Variants in KIRREL3 observed in about 807,000 individuals in gnomAD.
KIRREL3 encodes the protein kin of IRRE-like protein 3.
A neutral mutation model predicts 89.7 loss-of-function variants in KIRREL3; 36 were observed. The observed-to-expected ratio is 0.40, with a 90% CI of 0.31 to 0.53. The LOEUF is 0.53. Ranked by LOEUF, KIRREL3 falls within the 20% of genes least tolerant of loss-of-function variation. The pLI is 0.49. For synonymous variants in KIRREL3, 445 were observed against 441.4 expected (o/e 1.01, Z -0.10); for missense variants, 864 against 1,056.6 (o/e 0.82, Z 2.53).
chr11:126,462,230 G>A lies in KIRREL3; in HGVS notation c.742+927C>T, dbSNP rs557913023. On this transcript the variant is annotated intron_variant, in intron 6 of 16. Coordinates refer to ENST00000525144, the MANE Select transcript of KIRREL3 (RefSeq NM_032531.4). The surrounding 1 kb of genome is among the most constrained non-coding windows in gnomAD (Gnocchi z 4.8). ...CGGGCCACCGAGGGCTGGCTGGGCA[G>A]GAGTGTGGAGAGGATGTTACCAGGG... Among the ~76,000 whole-genome samples the A allele has an allele frequency of 5.0e-4, 76 of 152,240 alleles. No individual in the cohort carries two copies. The highest frequency in any genetic ancestry group is 3.4e-3 in the Middle Eastern group (1 of 294).
At position 126,641,582 on chromosome 11, in the gene KIRREL3, C is replaced by T. The variant is rs1231741854; in HGVS notation, c.56-78670G>A. ...GGGATATGTCTCACCAATCCATTTA[C>T]AGGTCGCAGACATTTACAACACCAG... On this transcript the variant is annotated intron_variant, in intron 1 of 16. Coordinates refer to ENST00000525144, the MANE Select transcript of KIRREL3 (RefSeq NM_032531.4). The surrounding 1 kb of genome is among the most constrained non-coding windows in gnomAD (Gnocchi z 5.0). Among the ~76,000 whole-genome samples the T allele has an allele frequency of 2.6e-5, 4 of 152,122 alleles. No homozygotes were observed. Among genetic ancestry groups the T allele is most frequent in the Non-Finnish European group, 4.4e-5 (3 of 68,042 alleles).
intron 16 of KIRREL3, 90 bp from the exon 17 acceptor site, chr11:126,425,113 G>A (rs1039924484): frequency 1.8e-5 from 22 of 1,244,432 alleles, no homozygotes; most frequent in Admixed American, 5.8e-5. Context: ...CCCCTTATGC[G>A]GGGAGGGAAG....
At position 126,660,403 on chromosome 11, in the gene KIRREL3, T is replaced by A. The variant is rs1468474792; in HGVS notation, c.56-97491A>T. Among the ~76,000 whole-genome samples, 8 of 152,364 alleles carry A rather than the reference T, an allele frequency of 5.3e-5. No homozygotes were observed. The South Asian group carries it at 1.4e-3, about 28-fold the overall frequency. ...CTGAGACGTAGGCACATGTTCACAC[T>A]GACGTGCATTGCATCATTGCATTTG... On this transcript the variant is annotated intron_variant, in intron 1 of 16. Coordinates refer to ENST00000525144, the MANE Select transcript of KIRREL3 (RefSeq NM_032531.4).
intron 4 of KIRREL3, among the ~76,000 whole-genome samples, chr11:126,483,308 G>A (rs1957270002): frequency 1.3e-5 from 2 of 152,084 alleles, no homozygotes; most frequent in Non-Finnish European, 2.9e-5. Context: ...ATGGCATTTG[G>A]GCCTTCATTT....
intron 9 of KIRREL3, among the ~76,000 whole-genome samples, chr11:126,446,193 C>G (rs1467553429): frequency 2.0e-5 from 3 of 151,452 alleles, no homozygotes; most frequent in Non-Finnish European, 4.4e-5. Context: ...AAGTGAAGCC[C>G]AAGTCCAAGG....
rs1939638416 is a variant in KIRREL3, at chr11:126,555,554, G to C, written c.133+7281C>G. ...ACCAGGTGAAGGGTTTGGGGATGGG[G>C]TGAGCGTGGCAAGCAGGGTAGACAC... is the stretch of plus-strand genomic sequence containing the variant. On this transcript the variant is annotated intron_variant, in intron 2 of 16. Coordinates refer to ENST00000525144, the MANE Select transcript of KIRREL3 (RefSeq NM_032531.4). The surrounding 1 kb of genome is among the most constrained non-coding windows in gnomAD (Gnocchi z 4.2). Among the ~76,000 whole-genome samples, 1 of 152,034 alleles carries C rather than the reference G, an allele frequency of 6.6e-6. No homozygotes were observed. Among genetic ancestry groups the C allele is most frequent in the African/African-American group, 2.4e-5 (1 of 41,412 alleles).
intron 10 of KIRREL3, 153 bp from the exon 11 acceptor site, chr11:126,440,702 A>G (rs980467865): frequency 1.7e-5 from 12 of 707,288 alleles, no homozygotes; most frequent in Non-Finnish European, 2.8e-5. Flanking sequence ...AAGGTAGAGG[A>G]CTCAGAGATA....
At chr11:126,517,602 A>T (rs778306031) in intron 4 of KIRREL3, among the ~76,000 whole-genome samples, 2 of 152,226 alleles carry the variant, frequency 1.3e-5, no homozygotes, top group Non-Finnish European at 2.9e-5. Flanking sequence ...TCCCAGCCTC[A>T]AAGTGGGATG....
Position 126,563,687 on chromosome 11 carries a change from T to C in KIRREL3, c.56-775A>G, listed in dbSNP as rs1366085170. 6.6e-6 allele frequency among the ~76,000 whole-genome samples: 1 copy of C among 152,196 alleles called. No individual in the cohort carries two copies. The highest frequency in any genetic ancestry group is 6.5e-5 in the Admixed American group (1 of 15,292). On this transcript the variant is annotated intron_variant, in intron 1 of 16. Coordinates refer to ENST00000525144, the MANE Select transcript of KIRREL3 (RefSeq NM_032531.4). The surrounding 1 kb of genome is among the most constrained non-coding windows in gnomAD (Gnocchi z 6.8). ...AATTCCAGGTAGCAAATGCAAGAGA[T>C]AACTTTTTTATTTGCACAGTATTTT...
At chr11:126,945,456 T>A (rs1355919957) in intron 1 of KIRREL3, among the ~76,000 whole-genome samples, 1 of 152,148 alleles carries the variant, frequency 6.6e-6, no homozygotes, top group Non-Finnish European at 1.5e-5. Flanking sequence ...TCTCCGCAGG[T>A]CACTGGAAGA....
chr11:126,968,741 C>T (rs575073178), intron 1 of KIRREL3, among the ~76,000 whole-genome samples: 8 of 152,310 alleles, frequency 5.3e-5, no homozygotes, highest in African/African-American at 1.9e-4. Flanking sequence ...TTTGGTCACT[C>T]AATCCCAGGT....
Position 126,883,363 on chromosome 11 carries a change from C to A in KIRREL3, c.55+117092G>T, listed in dbSNP as rs146839739. On this transcript the variant is annotated intron_variant, in intron 1 of 16. Transcript: ENST00000525144. The surrounding 1 kb of genome is among the most constrained non-coding windows in gnomAD (Gnocchi z 4.1). ...TTATAGCCTCTTCCCAACAAATGCT[C>A]ATTGTCGCACTTCCTGTCACCTCTC... 1.3e-5 allele frequency among the ~76,000 whole-genome samples: 2 copies of A among 152,152 alleles called. No homozygotes were observed. The highest frequency in any genetic ancestry group is 2.9e-5 in the Non-Finnish European group (2 of 68,034).
rs554083244 is a variant in KIRREL3, at chr11:126,917,516, AC to A, written c.55+82938del. On this transcript the variant is annotated intron_variant, in intron 1 of 16. Transcript: ENST00000525144. This position sits in a 1 kb window ranked among gnomAD's most constrained non-coding sequence, Gnocchi z 5.0. ...AAAAAAAACAAGGAAAAACCTGCAA[AC>A]AACAAAAATCTTTCCAAACCACGTA... Among the ~76,000 whole-genome samples the A allele has an allele frequency of 1.0e-3, 152 of 152,344 alleles. No homozygotes were observed. The highest frequency in any genetic ancestry group is 3.5e-3 in the African/African-American group (147 of 41,572).
intron 1 of KIRREL3, among the ~76,000 whole-genome samples, chr11:126,859,415 C>A (rs1357613631): frequency 6.6e-6 from 1 of 152,066 alleles, no homozygotes; most frequent in African/African-American, 2.4e-5. Context: ...GTTCCAGGGG[C>A]CACATTTTGA....
intron 1 of KIRREL3, among the ~76,000 whole-genome samples, chr11:126,831,761 C>T (rs566276883): frequency 3.9e-5 from 6 of 152,124 alleles, no homozygotes; most frequent in Non-Finnish European, 7.4e-5. Context: ...GATCCTAATG[C>T]CTTTCTATTA....
At chr11:126,858,663 G>GT (rs1855092710) in intron 1 of KIRREL3, among the ~76,000 whole-genome samples, 1 of 152,082 alleles carries the variant, frequency 6.6e-6, no homozygotes, top group African/African-American at 2.4e-5. Context: ...TGTGTGTGTG[G>GT]TTTTCTGTAT....
At chr11:126,810,629 C>G (rs1004190015) in intron 1 of KIRREL3, among the ~76,000 whole-genome samples, 3 of 152,150 alleles carry the variant, frequency 2.0e-5, no homozygotes, top group African/African-American at 7.2e-5. Flanking sequence ...GGCCCTACAC[C>G]TGAGCATCCC....
rs182103707 is a variant in KIRREL3 at position 126,708,204 on chromosome 11, C to T, written c.56-145292G>A. Among the ~76,000 whole-genome samples, 595 of 152,240 alleles carry T rather than the reference C, an allele frequency of 3.9e-3. 2 individuals are homozygous for T. The highest frequency in any genetic ancestry group is 7.1e-3 in the Non-Finnish European group (480 of 68,018). On this transcript the variant is annotated intron_variant, in intron 1 of 16. Coordinates refer to ENST00000525144, the MANE Select transcript of KIRREL3 (RefSeq NM_032531.4). The surrounding 1 kb of genome is among the most constrained non-coding windows in gnomAD (Gnocchi z 5.7). Reference sequence around the variant, plus strand: ...CGCCTGGAAACTCATCTGCCTGTGCCGCTGCTTTTTCCTGGCAGTTTACAA... The same window carrying T: ...CGCCTGGAAACTCATCTGCCTGTGCTGCTGCTTTTTCCTGGCAGTTTACAA...
In KIRREL3 at chr11:126,876,611, C is replaced by T. The variant is rs1945296533; in HGVS notation, c.55+123844G>A. Among the ~76,000 whole-genome samples, 1 of 151,378 alleles carries T rather than the reference C, an allele frequency of 6.6e-6. No homozygotes were observed. Among genetic ancestry groups the T allele is most frequent in the Admixed American group, 6.6e-5 (1 of 15,182 alleles). ...GGAGTGCAGCGGTGCGACCTTGGCC[C>T]ACTGCAACCTCCACCTCCAGGGTTC... On this transcript the variant is annotated intron_variant, in intron 1 of 16. Coordinates refer to ENST00000525144, the MANE Select transcript of KIRREL3 (RefSeq NM_032531.4). The surrounding 1 kb of genome is among the most constrained non-coding windows in gnomAD (Gnocchi z 4.1).
Sources: gnomAD v4.1 joint callset for allele counts (sites outside exome capture counted in the v4.1 genomes callset) on GRCh38, gnomAD v4.1.1 for gene constraint, Gnocchi (gnomAD v3.1) non-coding constraint, MANE v1.5 for transcripts, NCBI Gene and HGNC (gene_info 2026-07-23, HGNC 2026-07-21) for gene names.